Variants in ARHGAP24 observed in about 807,000 individuals in gnomAD.
ARHGAP24 encodes the protein Rho GTPase activating protein 24.
ARHGAP24 carries 50 observed loss-of-function variants against 76.4 expected under a neutral mutation model. The ratio of observed to expected loss-of-function variants is 0.65; its 90% CI spans 0.52 to 0.83. The LOEUF is 0.83. ARHGAP24 is among the 40% of genes least tolerant of loss of function. The pLI is 0.00. For synonymous variants in ARHGAP24, 345 were observed against 323.3 expected (o/e 1.07, Z -0.72); for missense variants, 930 against 914.2 (o/e 1.02, Z -0.22).
chr4:85,821,302 C>T (rs1006707986), intron 3 of ARHGAP24, among the ~76,000 whole-genome samples: 1 of 152,106 alleles, frequency 6.6e-6, no homozygotes. Context: ...ATGATCATTA[C>T]GTTGAGTAGA....
rs560325536 is a variant in ARHGAP24, at chr4:85,811,152, A to G, written c.268+89180A>G. 7.9e-5 allele frequency among the ~76,000 whole-genome samples: 12 copies of G among 152,336 alleles called. No individual in the cohort carries two copies. In the East Asian group the frequency reaches 2.3e-3, roughly 29 times the overall value. On this transcript the variant is annotated intron_variant, in intron 3 of 9. Transcript: ENST00000395184. ...AGCAGCTTTTCTAATGCAAGAGCCA[A>G]TGATTTCTGTGTGTCTCTTGAGAAG...
At chr4:85,506,779 G>A (rs1167198869) in intron 1 of ARHGAP24, among the ~76,000 whole-genome samples, 1 of 152,168 alleles carries the variant, frequency 6.6e-6, no homozygotes, top group Non-Finnish European at 1.5e-5. Flanking sequence ...CCAGTGAGAT[G>A]AACCAGGTAC....
chr4:85,691,335 G>A (rs1244464971), intron 2 of ARHGAP24, among the ~76,000 whole-genome samples: 1 of 152,156 alleles, frequency 6.6e-6, no homozygotes, highest in African/African-American at 2.4e-5. Flanking sequence ...GTTATTGGGT[G>A]TAGTGTTCTG....
intron 2 of ARHGAP24, among the ~76,000 whole-genome samples, chr4:85,712,653 C>T (rs1234561208): frequency 2.6e-5 from 4 of 152,112 alleles, no homozygotes; most frequent in Non-Finnish European, 1.5e-5. Flanking sequence ...CCCATCTCTG[C>T]CTCCACGTTC....
chr4:85,564,970 A>ATATC (rs1553914962), intron 1 of ARHGAP24, among the ~76,000 whole-genome samples: 1 of 116,508 alleles, frequency 8.6e-6, no homozygotes, highest in Non-Finnish European at 1.8e-5. Flanking sequence ...ATATATATAT[A>ATATC]CCCACACCCA....
At chr4:85,997,371 T>TATAGATAG (rs70948774) in intron 9 of ARHGAP24, among the ~76,000 whole-genome samples, 84 of 147,638 alleles carry the variant, frequency 5.7e-4, no homozygotes, top group South Asian at 1.1e-3. Context: ...AGATGATAGA[T>TATAGATAG]ATAGATAGAT....
In ARHGAP24 at chr4:85,996,119, G is replaced by C. The variant is rs148102398; in HGVS notation, c.2003+462G>C. Among the ~76,000 whole-genome samples the C allele has an allele frequency of 1.2e-3, 187 of 152,264 alleles. No individual in the cohort carries two copies. In the Middle Eastern group the frequency reaches 0.017, roughly 14 times the overall value. ...TATTCTTTCAATCATTGAATGTTGA[G>C]AGAGTGCCTTCTATCTGCCAGGCTC... On this transcript the variant is annotated intron_variant, in intron 9 of 9. Coordinates refer to ENST00000395184, the MANE Select transcript of ARHGAP24 (RefSeq NM_001025616.3).
intron 2 of ARHGAP24, among the ~76,000 whole-genome samples, chr4:85,647,587 T>C (rs555822410): frequency 6.6e-6 from 1 of 152,264 alleles, no homozygotes; most frequent in South Asian, 2.1e-4. Context: ...AATAGGAAAT[T>C]ATACTCACCT....
intron 3 of ARHGAP24, among the ~76,000 whole-genome samples, chr4:85,734,446 A>C (rs574673286): frequency 6.6e-6 from 1 of 152,278 alleles, no homozygotes; most frequent in South Asian, 2.1e-4. Context: ...TGCTTTAAAT[A>C]CAACTGTTAT....
intron 4 of ARHGAP24, among the ~76,000 whole-genome samples, chr4:85,941,116 G>A (rs1736923083): frequency 6.6e-6 from 1 of 152,094 alleles, no homozygotes; most frequent in Non-Finnish European, 1.5e-5. Flanking sequence ...CATTCCATCT[G>A]GGAACAGTGG....
intron 3 of ARHGAP24, among the ~76,000 whole-genome samples, chr4:85,760,026 A>G (rs1229332675): frequency 6.6e-6 from 1 of 150,958 alleles, no homozygotes; most frequent in Non-Finnish European, 1.5e-5. Flanking sequence ...TTCATTTGGT[A>G]AAAATCAAAT....
chr4:85,846,927 A>G (rs1268042052), intron 3 of ARHGAP24, among the ~76,000 whole-genome samples: 2 of 152,224 alleles, frequency 1.3e-5, no homozygotes, highest in Non-Finnish European at 2.9e-5. Flanking sequence ...CTCAACTCAT[A>G]CAAAGACTAG....
chr4:85,766,421 T>C (rs1726934556), intron 3 of ARHGAP24, among the ~76,000 whole-genome samples: 1 of 152,090 alleles, frequency 6.6e-6, no homozygotes, highest in Non-Finnish European at 1.5e-5. Flanking sequence ...TCTTTTTAGG[T>C]TATTAGTGTC....
chr4:85,995,666 A>C lies in ARHGAP24; in HGVS notation c.2003+9A>C. The C allele has an allele frequency of 6.2e-7, 1 of 1,613,374 alleles. No individual in the cohort carries two copies. Among genetic ancestry groups the C allele is most frequent in the Non-Finnish European group, 8.5e-7 (1 of 1,179,528 alleles). On this transcript the variant is annotated intron_variant, in intron 9 of 9. Transcript: ENST00000395184. ...GAGTCCAGGATAAAGAGGTAAGGAA[A>C]ATCTGGAGGTCGTAACTACCAGAGA...
Position 85,724,002 on chromosome 4 carries a change from G to GT in ARHGAP24, c.268+2031dup, listed in dbSNP as rs879496218. The stretch of plus-strand genomic sequence containing the variant: ...AATATTTTTCAATTTTTTCAATGGT[G>GT]TAATTGTTTAACATGATAATTTGGG... On this transcript the variant is annotated intron_variant, in intron 3 of 9. Coordinates refer to ENST00000395184, the MANE Select transcript of ARHGAP24 (RefSeq NM_001025616.3). Among the ~76,000 whole-genome samples, 378 of 152,268 alleles carry GT rather than the reference G, an allele frequency of 2.5e-3. 2 individuals are homozygous for GT. Among genetic ancestry groups the GT allele is most frequent in the African/African-American group, 8.7e-3 (362 of 41,534 alleles).
intron 2 of ARHGAP24, among the ~76,000 whole-genome samples, chr4:85,618,496 C>G (rs1242236335): frequency 1.3e-5 from 2 of 152,054 alleles, no homozygotes; most frequent in Non-Finnish European, 2.9e-5. Context: ...TGGATATGTA[C>G]CCCAAAGTGA....
At chr4:85,879,824 T>C (rs1485809015) in intron 3 of ARHGAP24, among the ~76,000 whole-genome samples, 4 of 152,120 alleles carry the variant, frequency 2.6e-5, no homozygotes, top group Admixed American at 1.3e-4. Flanking sequence ...ACCAGTGCCT[T>C]GAATGGAAGA....
chr4:85,897,877 G>A (rs1415234046), intron 3 of ARHGAP24, among the ~76,000 whole-genome samples: 1 of 151,918 alleles, frequency 6.6e-6, no homozygotes, highest in Non-Finnish European at 1.5e-5. Flanking sequence ...AGATAAAGTG[G>A]TGGGTGTGTG....
At chr4:85,982,299 C>A (rs1161810086) in intron 8 of ARHGAP24, among the ~76,000 whole-genome samples, 2 of 151,810 alleles carry the variant, frequency 1.3e-5, no homozygotes, top group Admixed American at 1.3e-4. Flanking sequence ...AAACCTGATA[C>A]CCAATGAGAA....
Sources: gnomAD v4.1 joint callset for allele counts (sites outside exome capture counted in the v4.1 genomes callset) on GRCh38, gnomAD v4.1.1 for gene constraint, MANE v1.5 for transcripts, NCBI Gene and HGNC (gene_info 2026-07-23, HGNC 2026-07-21) for gene names.